The following SH3RF2 variants were observed in gnomAD, a reference collection of about 807,000 sequenced individuals.
SH3RF2 encodes SH3 domain containing ring finger 2, also known as E3 ubiquitin-protein ligase SH3RF2.
In SH3RF2, 43 loss-of-function variants were observed where a neutral mutation model predicts 59.0. The ratio of observed to expected loss-of-function variants is 0.73; its 90% CI spans 0.57 to 0.94. The LOEUF (loss-of-function observed/expected upper bound fraction) is 0.94. Among genes scored for constraint, SH3RF2 ranks in the 40% least tolerant of loss-of-function variants. The pLI is 0.00. For missense variants in SH3RF2, 930 were observed against 940.1 expected (o/e 0.99, Z 0.14); for synonymous variants, 391 against 391.5 (o/e 1.00, Z 0.01).
At chr5:146,056,767 C>T (rs1762686089) in intron 8 of SH3RF2, among the ~76,000 whole-genome samples, 1 of 152,198 alleles carries the variant, frequency 6.6e-6, no homozygotes, top group African/African-American at 2.4e-5. Flanking sequence ...AACCCTGAGT[C>T]CCAAGTTCTC....
In SH3RF2 at chr5:146,074,773, C is replaced by CCTCTCT. The variant is rs35758284; in HGVS notation, c.*34-3668_*34-3663dup. Among the ~76,000 whole-genome samples, 206 of 148,602 alleles carry CCTCTCT rather than the reference C, an allele frequency of 1.4e-3. 2 individuals carry two copies. Among genetic ancestry groups the CCTCTCT allele is most frequent in the East Asian group, 0.012 (62 of 5,058 alleles). ...TCTCTTCCTCCCTTCAGCCCTCTGC[C>CCTCTCT]CTCTCTCTCTCTCTCTCTCTCTCTG... On this transcript the variant is annotated intron_variant, in intron 9 of 9. Transcript: ENST00000511217.
chr5:146,057,082 T>C (rs1762697502), intron 8 of SH3RF2, among the ~76,000 whole-genome samples: 1 of 152,248 alleles, frequency 6.6e-6, no homozygotes, highest in South Asian at 2.1e-4. Context: ...CTATGTTCCC[T>C]GAATTAAACT....
intron 5 of SH3RF2, 77 bp from the exon 6 acceptor site, chr5:146,047,695 C>A: frequency 7.3e-7 from 1 of 1,365,496 alleles, no homozygotes; most frequent in Non-Finnish European, 1.0e-6. Flanking sequence ...GGTCTTTCTA[C>A]GTAGCTGCTC....
chr5:145,968,964 A>G (rs1297408519), intron 2 of SH3RF2, among the ~76,000 whole-genome samples: 1 of 152,212 alleles, frequency 6.6e-6, no homozygotes, highest in Admixed American at 6.5e-5. Context: ...TAGAGAACAT[A>G]TAATTCTTTT....
intron 4 of SH3RF2, among the ~76,000 whole-genome samples, chr5:146,007,482 A>G (rs970003159): frequency 1.3e-5 from 2 of 152,182 alleles, no homozygotes; most frequent in African/African-American, 2.4e-5. Flanking sequence ...TTGACTCTCC[A>G]AGGACAGACG....
intron 9 of SH3RF2, among the ~76,000 whole-genome samples, chr5:146,071,119 A>G (rs1163011789): frequency 6.6e-6 from 1 of 152,206 alleles, no homozygotes; most frequent in Non-Finnish European, 1.5e-5. Flanking sequence ...GGCTATTTGC[A>G]TTCAGGAGAC....
intron 2 of SH3RF2, among the ~76,000 whole-genome samples, chr5:145,999,768 A>G (rs1318463636): frequency 6.6e-6 from 1 of 152,144 alleles, no homozygotes; most frequent in African/African-American, 2.4e-5. Context: ...CTCAAAGATC[A>G]CTGATTACAG....
intron 2 of SH3RF2, among the ~76,000 whole-genome samples, chr5:145,948,766 G>T (rs1758085786): frequency 6.6e-6 from 1 of 152,176 alleles, no homozygotes; most frequent in Non-Finnish European, 1.5e-5. Context: ...AACCCAGGTT[G>T]GTCTTAGGTT....
chr5:146,062,903 A>C lies in SH3RF2; in HGVS notation c.*202A>C. 1.5e-6 allele frequency: 1 copy of C among 664,790 alleles called. No individual in the cohort carries two copies. The highest frequency in any genetic ancestry group is 2.5e-6 in the Non-Finnish European group (1 of 401,522). 41.2% of individuals were successfully genotyped at this position (664,790 alleles called of 1,614,324 possible). A position where few individuals can be genotyped will look rare whatever the true frequency, so the allele number is the denominator to read the frequency against. On this transcript the variant is annotated 3_prime_UTR_variant, in exon 10 of 10. Transcript: ENST00000359120. ...AGATGGCGTGGCCTTCCAAACATAC[A>C]AACATAATGATTTGATGCCACAAAG...
At chr5:146,011,705 G>A (rs1561740677) in intron 4 of SH3RF2, among the ~76,000 whole-genome samples, 1 of 152,154 alleles carries the variant, frequency 6.6e-6, no homozygotes, top group Non-Finnish European at 1.5e-5. Context: ...GTTTAAGAAT[G>A]CTTGTGATTT....
chr5:145,973,564 A>G (rs981447606), intron 2 of SH3RF2, among the ~76,000 whole-genome samples: 1 of 152,236 alleles, frequency 6.6e-6, no homozygotes, highest in East Asian at 1.9e-4. Flanking sequence ...CTGTTGGCCC[A>G]TATAGGAAGA....
At chr5:146,058,386 G>A (rs1762758524) in intron 8 of SH3RF2, among the ~76,000 whole-genome samples, 1 of 152,114 alleles carries the variant, frequency 6.6e-6, no homozygotes, top group Admixed American at 6.5e-5. Context: ...AGAATTGACT[G>A]CGTGAACCCC....
At chr5:146,045,384 T>C (rs1762267408) in intron 5 of SH3RF2, among the ~76,000 whole-genome samples, 1 of 152,202 alleles carries the variant, frequency 6.6e-6, no homozygotes, top group South Asian at 2.1e-4. Context: ...AACTCAGTGG[T>C]TTTTAGTATA....
chr5:145,972,786 G>C (rs1276607289), intron 2 of SH3RF2, among the ~76,000 whole-genome samples: 2 of 152,256 alleles, frequency 1.3e-5, no homozygotes, highest in South Asian at 4.2e-4. Flanking sequence ...TGGCTTATTT[G>C]GTAAAAGGAC....
intron 5 of SH3RF2, among the ~76,000 whole-genome samples, chr5:146,035,430 TA>T (rs1222962550): frequency 6.7e-6 from 1 of 150,034 alleles, no homozygotes; most frequent in East Asian, 2.0e-4. Context: ...CCTTAGATTT[TA>T]AAAAATTGAC....
At chr5:146,077,545 G>A (rs1304173216) in intron 9 of SH3RF2, among the ~76,000 whole-genome samples, 1 of 152,014 alleles carries the variant, frequency 6.6e-6, no homozygotes, top group Non-Finnish European at 1.5e-5. Context: ...AGTGTAAGTT[G>A]GAGACTAAAT....
At chr5:146,004,277 A>T in intron 4 of SH3RF2, 124 bp downstream of exon 4, 1 of 637,880 alleles carries the variant, frequency 1.6e-6, no homozygotes. Context: ...AAAATCTCTA[A>T]AGAAAAGATG....
chr5:146,058,348 T>C (rs919991862), intron 8 of SH3RF2, among the ~76,000 whole-genome samples: 2 of 152,078 alleles, frequency 1.3e-5, no homozygotes, highest in South Asian at 4.1e-4. Context: ...AAGCTATCAG[T>C]CTCTCCAGAG....
chr5:145,949,422 G>T (rs1380565684), intron 2 of SH3RF2, among the ~76,000 whole-genome samples: 1 of 152,206 alleles, frequency 6.6e-6, no homozygotes, highest in Non-Finnish European at 1.5e-5. Context: ...AAAGGTGTTC[G>T]TCTGTGATAT....
Sources: gnomAD v4.1 joint callset for allele counts (sites outside exome capture counted in the v4.1 genomes callset) on GRCh38, gnomAD v4.1.1 for gene constraint, MANE v1.5 for transcripts, NCBI Gene and HGNC (gene_info 2026-07-23, HGNC 2026-07-21) for gene names.